The following CCDC3 variants were observed in gnomAD, a reference collection of about 807,000 sequenced individuals.
CCDC3 encodes the protein coiled-coil domain-containing protein 3.
Under a neutral mutation model 21.4 loss-of-function variants are expected in CCDC3, and 24 were observed. The observed-to-expected ratio is 1.12, with a 90% CI of 0.81 to 1.58. The LOEUF is 1.58. Among genes scored for constraint, CCDC3 ranks in the 40% most tolerant of loss-of-function variants. The probability of loss-of-function intolerance (pLI) is 0.00; values close to 1 mark genes in which losing one functional copy is unlikely to be tolerated. For missense variants in CCDC3, 425 were observed against 360.9 expected (o/e 1.18, Z -1.44); for synonymous variants, 186 against 166.0 (o/e 1.12, Z -0.93).
At chr10:12,960,661 G>C (rs1320807763) in intron 2 of CCDC3, among the ~76,000 whole-genome samples, 3 of 152,166 alleles carry the variant, frequency 2.0e-5, no homozygotes, top group African/African-American at 7.2e-5. Flanking sequence ...GGGTGCAGTC[G>C]GGAGAGGCGA....
At chr10:12,900,359 C>T (rs1222317018) in intron 2 of CCDC3, among the ~76,000 whole-genome samples, 3 of 151,988 alleles carry the variant, frequency 2.0e-5, no homozygotes, top group African/African-American at 7.3e-5. Context: ...ACTTGAGCCT[C>T]AACTTTCCTC....
chr10:13,046,912 GATTT>G (rs1340909893), intron 5 of CCDC3, among the ~76,000 whole-genome samples: 1 of 146,966 alleles, frequency 6.8e-6, no homozygotes, highest in Non-Finnish European at 1.5e-5. Flanking sequence ...TCTGCAAAAA[GATTT>G]ATTACTTAGT....
intron 2 of CCDC3, among the ~76,000 whole-genome samples, chr10:12,932,588 A>G (rs1180641564): frequency 6.6e-6 from 1 of 152,190 alleles, no homozygotes; most frequent in Non-Finnish European, 1.5e-5. Flanking sequence ...GGAATTTTCT[A>G]CATAACCAAC....
chr10:13,044,833 A>G (rs1334144458), intron 5 of CCDC3, among the ~76,000 whole-genome samples: 1 of 152,200 alleles, frequency 6.6e-6, no homozygotes, highest in East Asian at 1.9e-4. Context: ...AAAAAATGAC[A>G]TTGGCAGTTT....
At chr10:12,912,985 C>T in intron 2 of CCDC3, among the ~76,000 whole-genome samples, 1 of 152,202 alleles carries the variant, frequency 6.6e-6, no homozygotes, top group Non-Finnish European at 1.5e-5. Context: ...AGGCCAGTGC[C>T]ATCCCGCTTT....
intron 5 of CCDC3, among the ~76,000 whole-genome samples, chr10:13,035,582 G>A (rs186022902): frequency 7.7e-4 from 117 of 152,238 alleles, no homozygotes; most frequent in African/African-American, 2.7e-3. Context: ...TTCTGTGTAT[G>A]TTCCATTGAA....
intron 2 of CCDC3, among the ~76,000 whole-genome samples, chr10:12,923,046 T>C (rs1464447003): frequency 1.3e-4 from 20 of 152,150 alleles, no homozygotes; most frequent in Admixed American, 6.5e-5. Context: ...TAAAAGTCAT[T>C]TGGGGGAAGA....
chr10:12,945,847 T>TATC (rs750835124), intron 2 of CCDC3, among the ~76,000 whole-genome samples: 36 of 152,268 alleles, frequency 2.4e-4, no homozygotes, highest in Non-Finnish European at 4.7e-4. Context: ...TGCCTTTGAC[T>TATC]ATCTGTTGGC....
chr10:13,012,779 A>C (rs1037171235), intron 5 of CCDC3, among the ~76,000 whole-genome samples: 1 of 152,102 alleles, frequency 6.6e-6, no homozygotes, highest in Non-Finnish European at 1.5e-5. Context: ...TAAAAAAAAC[A>C]AAACAAACAA....
chr10:13,011,094 T>A (rs973043171), intron 5 of CCDC3, among the ~76,000 whole-genome samples: 52 of 151,856 alleles, frequency 3.4e-4, no homozygotes, highest in Admixed American at 2.4e-3. Flanking sequence ...GGCAGGAGAA[T>A]TGCTTGAACC....
At chr10:13,043,601 AAAAT>A (rs775791322) in intron 5 of CCDC3, among the ~76,000 whole-genome samples, 2 of 152,150 alleles carry the variant, frequency 1.3e-5, no homozygotes, top group African/African-American at 2.4e-5. Flanking sequence ...CTCAAAAAAT[AAAAT>A]AAAATAAAAA....
chr10:13,047,085 G>C (rs1836539236), intron 5 of CCDC3, among the ~76,000 whole-genome samples: 1 of 151,514 alleles, frequency 6.6e-6, no homozygotes, highest in Admixed American at 6.6e-5. Flanking sequence ...TGTTACGAAA[G>C]AGGAGACAGA....
At chr10:13,008,506 G>T (rs1835949828) in intron 5 of CCDC3, among the ~76,000 whole-genome samples, 1 of 152,140 alleles carries the variant, frequency 6.6e-6, no homozygotes, top group Non-Finnish European at 1.5e-5. Flanking sequence ...CACACAAGAG[G>T]TTGATCAAAT....
At chr10:12,982,981 G>A (rs1056833404) in intron 2 of CCDC3, among the ~76,000 whole-genome samples, 7 of 149,872 alleles carry the variant, frequency 4.7e-5, no homozygotes, top group Admixed American at 4.7e-4. Flanking sequence ...GCATGGTGGC[G>A]GGTGCCTGTA....
intron 3 of CCDC3, among the ~76,000 whole-genome samples, chr10:13,085,828 G>A (rs543263688): frequency 1.3e-5 from 2 of 152,116 alleles, no homozygotes; most frequent in African/African-American, 2.4e-5. Flanking sequence ...TTAGCTAGGT[G>A]TGGTGGTAGA....
At chr10:12,921,461 G>C (rs936921997) in intron 2 of CCDC3, among the ~76,000 whole-genome samples, 1 of 152,184 alleles carries the variant, frequency 6.6e-6, no homozygotes, top group African/African-American at 2.4e-5. Context: ...TGATGAACTT[G>C]AACCTGGAAG....
At chr10:12,945,581 A>G (rs1834903500) in intron 2 of CCDC3, among the ~76,000 whole-genome samples, 1 of 152,216 alleles carries the variant, frequency 6.6e-6, no homozygotes, top group African/African-American at 2.4e-5. Context: ...GTACGCTGAT[A>G]CAAAACTAGA....
chr10:13,057,148 G>C (rs1277151693), intron 4 of CCDC3, among the ~76,000 whole-genome samples: 1 of 152,022 alleles, frequency 6.6e-6, no homozygotes, highest in East Asian at 1.9e-4. Context: ...TTTTTAAATA[G>C]CCAGGTGTGG....
chr10:13,093,200 G>A (rs543012708), intron 3 of CCDC3, among the ~76,000 whole-genome samples: 13 of 152,240 alleles, frequency 8.5e-5, no homozygotes, highest in Non-Finnish European at 1.5e-4. Flanking sequence ...ACAGTTCCAC[G>A]TGGCTGGGGA....
Sources: gnomAD v4.1 joint callset for allele counts (sites outside exome capture counted in the v4.1 genomes callset) on GRCh38, gnomAD v4.1.1 for gene constraint, MANE v1.5 for transcripts, NCBI Gene and HGNC (gene_info 2026-07-23, HGNC 2026-07-21) for gene names.